The following NOP58 variants were observed in gnomAD, a reference collection of about 807,000 sequenced individuals.
NOP58 encodes NOP58 ribonucleoprotein, also known as nucleolar protein 58.
A neutral mutation model predicts 71.2 loss-of-function variants in NOP58; 44 were observed. The observed-to-expected ratio is 0.62, with a 90% CI of 0.49 to 0.79. The LOEUF is 0.79. NOP58 is among the 30% of genes least tolerant of loss of function. NOP58 has a pLI of 0.00. For synonymous variants in NOP58, 228 were observed against 200.3 expected, an observed-to-expected ratio of 1.14 and a Z score of -1.17; for missense variants, 538 against 620.2, an observed-to-expected ratio of 0.87 and a Z score of 1.41.
chr2:202,266,163 C>T (rs935345496), intron 1 of NOP58, among the ~76,000 whole-genome samples, 177 bp downstream of exon 1: 2 of 152,136 alleles, frequency 1.3e-5, no homozygotes, highest in Non-Finnish European at 2.9e-5. Flanking sequence ...CACGTGGCCC[C>T]GCCGTTTGGG....
At chr2:202,300,850 A>G (rs1689079617) in intron 13 of NOP58, among the ~76,000 whole-genome samples, 2 of 152,200 alleles carry the variant, frequency 1.3e-5, no homozygotes, top group African/African-American at 4.8e-5. Flanking sequence ...TGTGAAGTTG[A>G]TAAGCAGGCG....
At chr2:202,284,544 G>T in intron 5 of NOP58, 63 bp downstream of exon 5, 1 of 1,520,008 alleles carries the variant, frequency 6.6e-7, no homozygotes, top group Non-Finnish European at 9.0e-7. Context: ...ACATAGATCT[G>T]TTCTAAGAAT....
intron 13 of NOP58, among the ~76,000 whole-genome samples, chr2:202,301,276 C>T (rs1689087206): frequency 6.6e-6 from 1 of 152,100 alleles, no homozygotes; most frequent in South Asian, 2.1e-4. Context: ...CCTCCACCTC[C>T]CAGGTTCAAG....
At chr2:202,290,111 A>G (rs1440379765) in intron 6 of NOP58, among the ~76,000 whole-genome samples, 3 of 152,102 alleles carry the variant, frequency 2.0e-5, no homozygotes, top group Non-Finnish European at 4.4e-5. Context: ...GTGCACCACC[A>G]TGCCTGGCTA....
In NOP58 at chr2:202,300,342, CA is replaced by C; in HGVS notation, c.1383del (p.Ala462ProfsTer23). On this transcript the variant is annotated frameshift_variant, in exon 13 of 15. Coordinates refer to ENST00000264279, the MANE Select transcript of NOP58 (RefSeq NM_015934.5). LOFTEE classifies it high-confidence loss of function. The stretch of plus-strand genomic sequence containing the variant: ...AGGATGAAATTACTGAAAAGAAAGC[CA>C]AAAAAGCCAAGATTAAAGTTAAAGG... ...KEDEITEKKA[K>X]KAKIKVKVEE... 3 of 1,585,220 alleles carry C rather than the reference CA, an allele frequency of 1.9e-6. No individual in the cohort carries two copies. The highest frequency in any genetic ancestry group is 1.2e-5 in the South Asian group (1 of 84,962).
chr2:202,294,985 G>A (rs552717462), intron 9 of NOP58, among the ~76,000 whole-genome samples: 20 of 151,450 alleles, frequency 1.3e-4, no homozygotes, highest in Non-Finnish European at 2.2e-4. Context: ...AAAAATGCAA[G>A]CATAACTATT....
chr2:202,293,022 A>G (rs1688929526), intron 9 of NOP58, 119 bp downstream of exon 9: 2 of 1,035,908 alleles, frequency 1.9e-6, no homozygotes, highest in Non-Finnish European at 3.0e-6. Context: ...ACAAAAGTAG[A>G]TGATATGTGG....
intron 6 of NOP58, 27 bp downstream of exon 6, chr2:202,287,751 T>C: frequency 6.7e-7 from 1 of 1,491,764 alleles, no homozygotes; most frequent in Non-Finnish European, 9.4e-7. Flanking sequence ...CAAAGTCCGA[T>C]TTGTTGCTCT....
chr2:202,298,222 T>C lies in NOP58; in HGVS notation c.1268+316T>C, dbSNP rs536372885. On this transcript the variant is annotated intron_variant, in intron 12 of 14. Coordinates refer to ENST00000264279, the MANE Select transcript of NOP58 (RefSeq NM_015934.5). The stretch of plus-strand genomic sequence containing the variant: ...GTTAACCATGTTGTGCACCCCTAAT[T>C]TTTTTCCATGCCATTTAGTTTTCCG... Among the ~76,000 whole-genome samples the C allele has an allele frequency of 2.0e-5, 3 of 152,278 alleles. No individual in the cohort carries two copies. In the South Asian group the frequency reaches 6.2e-4, roughly 32 times the overall value.
chr2:202,294,155 T>C (rs1688950310), intron 9 of NOP58, among the ~76,000 whole-genome samples: 2 of 151,552 alleles, frequency 1.3e-5, no homozygotes, highest in Non-Finnish European at 2.9e-5. Context: ...CCCATCTCTA[T>C]TAACAACACA....
rs144052228 is a variant in NOP58 at position 202,270,771 on chromosome 2, A to G, written c.46-4342A>G. On this transcript the variant is annotated intron_variant, in intron 1 of 14. Coordinates refer to ENST00000264279, the MANE Select transcript of NOP58 (RefSeq NM_015934.5). Reference sequence around the variant, plus strand: ...TCTCAAAACAAAACAAAAACCACACAAAGTCTCAAGCAATCAATTAAAAAT... The same window carrying G: ...TCTCAAAACAAAACAAAAACCACACGAAGTCTCAAGCAATCAATTAAAAAT... 6.6e-5 allele frequency among the ~76,000 whole-genome samples: 10 copies of G among 152,198 alleles called. 1 individual carries two copies. In the East Asian group the frequency reaches 1.4e-3, roughly 21 times the overall value.
At chr2:202,274,251 G>T (rs965212243) in intron 1 of NOP58, among the ~76,000 whole-genome samples, 2 of 151,976 alleles carry the variant, frequency 1.3e-5, no homozygotes, top group African/African-American at 4.8e-5. Context: ...TTGAGATGGA[G>T]TTTTTTGCTC....
intron 1 of NOP58, among the ~76,000 whole-genome samples, chr2:202,271,846 A>G (rs1688515885): frequency 6.6e-6 from 1 of 152,168 alleles, no homozygotes; most frequent in South Asian, 2.1e-4. Flanking sequence ...TGGGAGGCCG[A>G]GGCAGAAGAA....
chr2:202,279,686 C>G (rs192299788), intron 3 of NOP58, among the ~76,000 whole-genome samples: 1 of 152,066 alleles, frequency 6.6e-6, no homozygotes, highest in African/African-American at 2.4e-5. Flanking sequence ...CCCAGCTACT[C>G]GGGAGGCTGA....
chr2:202,301,289 A>G (rs1246265137), intron 13 of NOP58, among the ~76,000 whole-genome samples: 1 of 151,858 alleles, frequency 6.6e-6, no homozygotes, highest in East Asian at 1.9e-4. Flanking sequence ...GGTTCAAGCA[A>G]TTTTCCTGCC....
chr2:202,285,654 TAATTGC>T (rs937275716), intron 5 of NOP58, among the ~76,000 whole-genome samples: 3 of 152,102 alleles, frequency 2.0e-5, no homozygotes, highest in African/African-American at 4.8e-5. Context: ...TCCCTATTTT[TAATTGC>T]ATGTTAACCC....
chr2:202,265,931 C>G lies in NOP58; in HGVS notation c.-11C>G. Reference sequence around the variant, plus strand: ...CTGGCAGGCCGTGCGGCGCCCTGACCCGGCCTCACCATGTTGGTGCTGTTT... The same window carrying G: ...CTGGCAGGCCGTGCGGCGCCCTGACGCGGCCTCACCATGTTGGTGCTGTTT... On this transcript the variant is annotated 5_prime_UTR_variant, in exon 1 of 15. Transcript: ENST00000264279. 1.2e-6 allele frequency: 2 copies of G among 1,614,188 alleles called. No homozygotes were observed. The highest frequency in any genetic ancestry group is 1.7e-6 in the Non-Finnish European group (2 of 1,180,030).
rs542890294 is a variant in NOP58, at chr2:202,297,126, T to C, written c.1072-253T>C. On this transcript the variant is annotated intron_variant, in intron 10 of 14. Transcript: ENST00000264279. ...AGAACTAATGTCACTGAGTAGAAAC[T>C]AAAGTTTAAAAATATTTTTTAAAAA... Among the ~76,000 whole-genome samples the C allele has an allele frequency of 9.3e-4, 141 of 152,280 alleles. 1 individual carries two copies. Among genetic ancestry groups the C allele is most frequent in the African/African-American group, 3.2e-3 (133 of 41,566 alleles).
chr2:202,284,279 T>A (rs1009656828), intron 4 of NOP58, 66 bp from the exon 5 acceptor site: 1 of 1,357,356 alleles, frequency 7.4e-7, no homozygotes, highest in Non-Finnish European at 1.0e-6. Context: ...TCTCAAAAAA[T>A]AATAATAACA....
Sources: allele counts gnomAD v4.1 joint callset (sites outside exome capture counted in the v4.1 genomes callset), GRCh38; gene constraint gnomAD v4.1.1; transcripts MANE v1.5; gene names NCBI Gene and HGNC (gene_info 2026-07-23, HGNC 2026-07-21).